The following KLHL1 variants were observed in gnomAD, a reference collection of about 807,000 sequenced individuals.
KLHL1 encodes kelch like family member 1.
KLHL1 carries 47 observed loss-of-function variants against 77.7 expected under a neutral mutation model. That is an observed-to-expected ratio of 0.60 (90% CI 0.48 to 0.77). The LOEUF (loss-of-function observed/expected upper bound fraction) is 0.77. KLHL1 is among the 30% of genes least tolerant of loss of function. KLHL1 has a pLI of 0.00. For missense variants in KLHL1, 925 were observed against 910.8 expected (o/e 1.02, Z -0.20); for synonymous variants, 360 against 325.2 (o/e 1.11, Z -1.15).
Position 69,796,836 on chromosome 13 carries a change from C to T in KLHL1, c.1541G>A (p.Arg514Gln). 2.5e-6 allele frequency: 4 copies of T among 1,614,092 alleles called. No individual in the cohort carries two copies. The highest frequency in any genetic ancestry group is 3.4e-6 in the Non-Finnish European group (4 of 1,179,990). Residue 514 changes from arginine to glutamine, a missense_variant, in exon 7 of 11, where the codon CGA (arginine) becomes CAA (glutamine). By Grantham distance (43) the Arg-to-Gln change is conservative. Transcript: ENST00000377844. ...IDDKLFVIGG[R>Q]DGLKTLNTVE... The stretch of plus-strand genomic sequence containing the variant: ...AGTGTTCAATGTCTTTAAGCCATCT[C>T]GACCTCCAATTACAAAGAGTTTGTC...
intron 7 of KLHL1, among the ~76,000 whole-genome samples, chr13:69,764,055 G>GT (rs1875150351): frequency 6.6e-6 from 1 of 152,126 alleles, no homozygotes; most frequent in Non-Finnish European, 1.5e-5. Flanking sequence ...TATGCCTGAA[G>GT]TTTTGATCAA....
chr13:69,834,993 A>G lies in KLHL1; in HGVS notation c.1414+3983T>C, dbSNP rs1480878643. Among the ~76,000 whole-genome samples, 4 of 152,238 alleles carry G rather than the reference A, an allele frequency of 2.6e-5. 1 individual carries two copies. The East Asian group carries it at 7.7e-4, about 29-fold the overall frequency. On this transcript the variant is annotated intron_variant, in intron 6 of 10. Coordinates refer to ENST00000377844, the MANE Select transcript of KLHL1 (RefSeq NM_020866.3). ...AGGTGGGATTATTTGCATTTTAGAGATGTAGAAGTTATAACTGAAAATAGT... is the reference window on the plus strand; with the variant it reads ...AGGTGGGATTATTTGCATTTTAGAGGTGTAGAAGTTATAACTGAAAATAGT...
At chr13:69,748,386 G>A (rs989605116) in intron 7 of KLHL1, among the ~76,000 whole-genome samples, 3 of 152,022 alleles carry the variant, frequency 2.0e-5, no homozygotes, top group Admixed American at 6.6e-5. Context: ...TTCTTACATG[G>A]TGGCAGCAAG....
intron 4 of KLHL1, among the ~76,000 whole-genome samples, chr13:69,903,892 G>A (rs1362130486): frequency 6.6e-6 from 1 of 151,228 alleles, no homozygotes; most frequent in African/African-American, 2.4e-5. Context: ...CACTTGCCTC[G>A]GCCTCCCCAA....
intron 7 of KLHL1, among the ~76,000 whole-genome samples, chr13:69,767,916 T>C (rs566301070): frequency 6.6e-6 from 1 of 152,356 alleles, no homozygotes; most frequent in Admixed American, 6.5e-5. Context: ...CATAATATGA[T>C]GTAATATTTT....
intron 5 of KLHL1, among the ~76,000 whole-genome samples, chr13:69,867,636 T>C (rs1310929155): frequency 6.6e-6 from 1 of 151,990 alleles, no homozygotes; most frequent in Non-Finnish European, 1.5e-5. Flanking sequence ...ATTTATTAAA[T>C]CATCATTTCA....
intron 3 of KLHL1, among the ~76,000 whole-genome samples, chr13:69,961,026 T>G (rs1257872195): frequency 6.6e-6 from 1 of 152,028 alleles, no homozygotes; most frequent in Non-Finnish European, 1.5e-5. Context: ...CAAATTATTA[T>G]TCAATAATTT....
chr13:69,921,454 C>T (rs528382565), intron 4 of KLHL1, among the ~76,000 whole-genome samples: 92 of 152,228 alleles, frequency 6.0e-4, no homozygotes, highest in Admixed American at 7.2e-4. Flanking sequence ...TCTAATTAAT[C>T]CAGACTTATA....
chr13:70,042,716 G>A (rs1466544874), intron 1 of KLHL1, among the ~76,000 whole-genome samples: 1 of 152,054 alleles, frequency 6.6e-6, no homozygotes, highest in East Asian at 1.9e-4. Context: ...TTTGAGCACG[G>A]ACTCCTATGT....
At chr13:69,770,518 G>C (rs1477798360) in intron 7 of KLHL1, among the ~76,000 whole-genome samples, 1 of 151,988 alleles carries the variant, frequency 6.6e-6, no homozygotes, top group African/African-American at 2.4e-5. Flanking sequence ...AAATTTTTTT[G>C]TTGAAAAATG....
intron 5 of KLHL1, among the ~76,000 whole-genome samples, chr13:69,866,869 G>GT: frequency 6.6e-6 from 1 of 152,034 alleles, no homozygotes; most frequent in East Asian, 1.9e-4. Context: ...TTTTGTTGTT[G>GT]TTTTTGTAAT....
intron 1 of KLHL1, among the ~76,000 whole-genome samples, chr13:70,086,018 AT>A (rs1364105500): frequency 6.6e-6 from 1 of 152,126 alleles, no homozygotes; most frequent in African/African-American, 2.4e-5. Context: ...AACTTACATA[AT>A]TATTTCTACT....
At chr13:70,013,570 A>G (rs923497072) in intron 1 of KLHL1, among the ~76,000 whole-genome samples, 1 of 152,176 alleles carries the variant, frequency 6.6e-6, no homozygotes, top group Non-Finnish European at 1.5e-5. Context: ...AATAGACTGC[A>G]ACTGTTTCTT....
At chr13:69,778,043 A>G (rs986803068) in intron 7 of KLHL1, among the ~76,000 whole-genome samples, 5 of 151,924 alleles carry the variant, frequency 3.3e-5, no homozygotes, top group African/African-American at 1.2e-4. Context: ...AATTATAAAA[A>G]TGTATAAAAT....
At chr13:69,949,644 G>A (rs74090641) in intron 3 of KLHL1, among the ~76,000 whole-genome samples, 2,133 of 151,784 alleles carry the variant, frequency 0.014, 61 homozygotes, top group African/African-American at 0.048. Flanking sequence ...CATGACGGTG[G>A]AATAACTGGC....
chr13:69,712,244 A>T (rs1875909636), intron 9 of KLHL1, among the ~76,000 whole-genome samples: 1 of 128,138 alleles, frequency 7.8e-6, no homozygotes, highest in East Asian at 2.6e-4. Context: ...CCAGGTTAAG[A>T]AGTCTTTCAC....
chr13:69,939,783 A>G (rs969102548), intron 4 of KLHL1, among the ~76,000 whole-genome samples: 2 of 152,114 alleles, frequency 1.3e-5, no homozygotes, highest in African/African-American at 4.8e-5. Context: ...ATCCTTTGCA[A>G]TGTCTTTTAT....
intron 5 of KLHL1, among the ~76,000 whole-genome samples, chr13:69,876,090 G>A (rs1437477375): frequency 2.0e-5 from 3 of 152,098 alleles, no homozygotes; most frequent in Non-Finnish European, 4.4e-5. Context: ...ATAACATACA[G>A]AACACATTTA....
At position 69,940,195 on chromosome 13, in the gene KLHL1, C is replaced by A. The variant is rs777293900; in HGVS notation, c.859G>T (p.Ala287Ser). 1 of 1,612,174 alleles carries A rather than the reference C, an allele frequency of 6.2e-7. No individual in the cohort carries two copies. The highest frequency in any genetic ancestry group is 2.2e-5 in the East Asian group (1 of 44,826). Residue 287 changes from alanine (A) to serine (S), a missense_variant, in exon 4 of 11, where the codon GCT (alanine) becomes TCT (serine). Coordinates refer to ENST00000377844, the MANE Select transcript of KLHL1 (RefSeq NM_020866.3). ...GGAAGCTGAAGAAGGCACGCTGCAG[C>A]AAGAAGGTTCTCAATGGTGTCCTCT... Reference protein sequence around the residue: ...LKEDTIENLLAAACLLQLPQV... With the variant: ...LKEDTIENLLSAACLLQLPQV...
Sources: allele counts gnomAD v4.1 joint callset (sites outside exome capture counted in the v4.1 genomes callset), GRCh38; gene constraint gnomAD v4.1.1; transcripts MANE v1.5; gene names NCBI Gene and HGNC (gene_info 2026-07-23, HGNC 2026-07-21).